SYNRG: variants seen among roughly 807,000 people sequenced by gnomAD.
SYNRG encodes the protein synergin gamma.
A neutral mutation model predicts 130.9 loss-of-function variants in SYNRG; 37 were observed. That is an observed-to-expected ratio of 0.28 (90% confidence interval 0.22 to 0.37). The LOEUF is 0.37. Among genes scored for constraint, SYNRG ranks in the 10% least tolerant of loss-of-function variants. SYNRG has a pLI of 1.00. For synonymous variants in SYNRG, 539 were observed against 568.1 expected (o/e 0.95, Z 0.73); for missense variants, 1,338 against 1,588.9 (o/e 0.84, Z 2.68).
chr17:37,526,283 G>T (rs539310506), intron 19 of SYNRG, among the ~76,000 whole-genome samples: 25 of 152,322 alleles, frequency 1.6e-4, no homozygotes, highest in Admixed American at 1.2e-3. Context: ...ACATGGCACA[G>T]AGCCCCCCAC....
intron 16 of SYNRG, among the ~76,000 whole-genome samples, chr17:37,539,960 G>A (rs2057587400): frequency 6.6e-6 from 1 of 152,184 alleles, no homozygotes. Flanking sequence ...CAAGGAGTAG[G>A]GAAAGGTGGG....
At chr17:37,605,794 G>A (rs540845586) in intron 1 of SYNRG, 36 of 981,822 alleles carry the variant, frequency 3.7e-5, no homozygotes, top group African/African-American at 3.5e-4. Context: ...CTGACATCTC[G>A]GTATGAAAGC....
At chr17:37,575,880 C>T (rs2060796414) in intron 8 of SYNRG, among the ~76,000 whole-genome samples, 1 of 148,336 alleles carries the variant, frequency 6.7e-6, no homozygotes. Flanking sequence ...CTATCCTTCA[C>T]ATCTTCCAAT....
intron 8 of SYNRG, among the ~76,000 whole-genome samples, chr17:37,574,638 A>C (rs1467837694): frequency 6.6e-6 from 1 of 152,192 alleles, no homozygotes; most frequent in Non-Finnish European, 1.5e-5. Flanking sequence ...ACAGCAAACA[A>C]GTTTATGAAA....
chr17:37,536,343 G>A, intron 18 of SYNRG: 1 of 559,276 alleles, frequency 1.8e-6, no homozygotes, highest in Admixed American at 3.6e-5. Context: ...TCAAACCCCA[G>A]CTATGCCTCT....
chr17:37,607,864 G>C (rs1171599100), intron 1 of SYNRG, among the ~76,000 whole-genome samples: 1 of 146,504 alleles, frequency 6.8e-6, no homozygotes, highest in Non-Finnish European at 1.5e-5. Flanking sequence ...GCTGAGGCAA[G>C]AGAATCGCTT....
chr17:37,553,357 G>A lies in SYNRG; in HGVS notation c.2366C>T (p.Ser789Leu), dbSNP rs145543728. 818 of 1,614,192 alleles carry A rather than the reference G, an allele frequency of 5.1e-4. 7 individuals carry two copies. The South Asian group carries it at 6.2e-3, about 12-fold the overall frequency. The change falls in exon 14 of 22, where the codon TCG (serine) becomes TTG (leucine). Residue 789 changes from serine to leucine, a missense_variant. Coordinates refer to ENST00000612223, the MANE Select transcript of SYNRG (RefSeq NM_007247.6). Reference sequence around the variant, plus strand: ...TGCTTTCTCTCCCAGGGATTTGTCCGAGTTTATGGAAGAAAATTTACTGGA... The same window carrying A: ...TGCTTTCTCTCCCAGGGATTTGTCCAAGTTTATGGAAGAAAATTTACTGGA... ...FHSSKFSSINSDKSLGEKAVA... is the reference protein window; with the variant it reads ...FHSSKFSSINLDKSLGEKAVA...
At chr17:37,567,913 T>A (rs76686174) in intron 11 of SYNRG, 7 of 152,214 alleles carry the variant, frequency 4.6e-5, no homozygotes, top group African/African-American at 9.6e-5. Flanking sequence ...ATACTTTTTT[T>A]AAAATGCCGT....
At chr17:37,536,215 G>C (rs1034212014) in intron 18 of SYNRG, 88 bp from the exon 19 acceptor site, 1 of 1,433,004 alleles carries the variant, frequency 7.0e-7, no homozygotes, top group Non-Finnish European at 9.3e-7. Context: ...GCTGATATCT[G>C]TGAGAAACAA....
At chr17:37,609,181 G>A (rs538857361) in intron 1 of SYNRG, 98 bp downstream of exon 1, 2 of 1,262,436 alleles carry the variant, frequency 1.6e-6, no homozygotes, top group African/African-American at 1.6e-5. Context: ...CAGTTCCAAG[G>A]AAAAGGATCA....
chr17:37,576,213 A>T, intron 8 of SYNRG, 128 bp downstream of exon 8: 1 of 830,874 alleles, frequency 1.2e-6, no homozygotes, highest in Non-Finnish European at 1.9e-6. Context: ...GTACTCTTTC[A>T]GAAAAAAAGA....
In SYNRG at chr17:37,568,861, C is replaced by G. The variant is rs373225573; in HGVS notation, c.1411G>C (p.Asp471His). Reference protein sequence around the residue: ...FQDASKSGSLDDSFSDFQELP... With the variant: ...FQDASKSGSLHDSFSDFQELP... ...TCTTGGAAATCACTGAATGAGTCAT[C>G]AAGGGATCCTGACTTAGAAGCATCT... Residue 471 changes from aspartate to histidine, a missense_variant, in exon 11 of 22, where the codon GAT becomes CAT. Physicochemically the swap from Asp to His is moderately conservative, Grantham distance 81 (BLOSUM62 -1). Around this residue, in one of 3 missense-constraint regions of SYNRG, gnomAD observed 1,146 missense variants for 1,342.3 expected, o/e 0.85. Coordinates refer to ENST00000612223, the MANE Select transcript of SYNRG (RefSeq NM_007247.6). The G allele has an allele frequency of 2.6e-5, 42 of 1,613,978 alleles. No homozygotes were observed. Among genetic ancestry groups the G allele is most frequent in the Non-Finnish European group, 3.3e-5 (39 of 1,179,992 alleles).
intron 12 of SYNRG, 25 bp downstream of exon 12, chr17:37,561,446 G>C (rs2059526677): frequency 6.4e-7 from 1 of 1,573,208 alleles, no homozygotes; most frequent in Non-Finnish European, 8.7e-7. Flanking sequence ...GCATTCACAA[G>C]TTTATGAATT....
chr17:37,541,991 G>C lies in SYNRG; in HGVS notation c.3183C>G (p.Thr1061=), dbSNP rs1291862751. Reference sequence around the variant, plus strand: ...ACTCACCTTGAACAGAAAGGTCAAAGGTTGCCAGCTCACTTTTGATCATTT... The same window carrying C: ...ACTCACCTTGAACAGAAAGGTCAAACGTTGCCAGCTCACTTTTGATCATTT... ...SEEMIKSELA[T]FDLSVQGSHK... is the part of the protein sequence containing the mutation. The change falls in exon 15 of 22, where the codon ACC becomes ACG. Residue 1061 remains threonine (T), a synonymous_variant. Transcript: ENST00000612223. 1.9e-6 allele frequency: 3 copies of C among 1,613,962 alleles called. No homozygotes were observed. Among genetic ancestry groups the C allele is most frequent in the Admixed American group, 1.7e-5 (1 of 60,018 alleles).
chr17:37,607,100 T>A (rs1370261379), intron 1 of SYNRG, among the ~76,000 whole-genome samples: 1 of 152,222 alleles, frequency 6.6e-6, no homozygotes, highest in African/African-American at 2.4e-5. Flanking sequence ...ATATGTACCA[T>A]ACATTTTTCA....
Position 37,609,331 on chromosome 17 carries a change from A to T in SYNRG, c.25T>A (p.Ser9Thr). 6.8e-7 allele frequency: 1 copy of T among 1,469,174 alleles called. No individual in the cohort carries two copies. Among genetic ancestry groups the T allele is most frequent in the Non-Finnish European group, 9.0e-7 (1 of 1,116,934 alleles). The allele number at this position is 1,469,174 out of a possible 1,614,324, so 91.0% of individuals were successfully genotyped here. Residue 9 changes from serine to threonine, a missense_variant, in exon 1 of 22, where the codon TCT becomes ACT. Ser to Thr is a moderately conservative substitution (Grantham distance 58). This residue lies in a region of SYNRG where 184 missense variants were observed against 217.2 expected (regional missense o/e 0.85). Coordinates refer to ENST00000612223, the MANE Select transcript of SYNRG (RefSeq NM_007247.6). ...GCTCCCGCGGCCCCGCCGCCACCAG[A>T]ACCAGCTCCTGGCCGCAGCGCCATC... MALRPGAG[S>T]GGGGAAGAGA...
intron 3 of SYNRG, among the ~76,000 whole-genome samples, chr17:37,590,745 A>AC (rs2062103224): frequency 1.3e-5 from 2 of 151,922 alleles, no homozygotes; most frequent in Admixed American, 1.3e-4. Context: ...ACATGGTGAA[A>AC]CCCCATCTCT....
intron 1 of SYNRG, among the ~76,000 whole-genome samples, chr17:37,607,295 A>G (rs2063832397): frequency 6.6e-6 from 1 of 152,314 alleles, no homozygotes; most frequent in African/African-American, 2.4e-5. Flanking sequence ...ACTGCAAACT[A>G]AAGGGAATAA....
At chr17:37,586,309 A>G in intron 4 of SYNRG, 110 bp downstream of exon 4, 1 of 1,466,238 alleles carries the variant, frequency 6.8e-7, no homozygotes, top group Non-Finnish European at 9.1e-7. Flanking sequence ...AGTTTTAAAG[A>G]CAACTTTTGA....
Sources: gnomAD v4.1 joint callset for allele counts (sites outside exome capture counted in the v4.1 genomes callset) on GRCh38, gnomAD v4.1.1 for gene constraint, gnomAD v4.1.1 regional missense constraint, MANE v1.5 for transcripts, NCBI Gene and HGNC (gene_info 2026-07-23, HGNC 2026-07-21) for gene names.